The following ATXN2 variants were observed in gnomAD, a reference collection of about 807,000 sequenced individuals.
ATXN2 encodes the protein ataxin-2.
ATXN2 carries 37 observed loss-of-function variants against 138.6 expected under a neutral mutation model. The observed-to-expected ratio is 0.27, with a 90% confidence interval of 0.21 to 0.35. The LOEUF (loss-of-function observed/expected upper bound fraction) is 0.35, where lower values mean the gene tolerates loss of function less well. Ranked by LOEUF, ATXN2 falls within the 10% of genes least tolerant of loss-of-function variation. The pLI is 1.00. For synonymous variants in ATXN2, 549 were observed against 543.7 expected, an observed-to-expected ratio of 1.01 and a Z score of -0.13; for missense variants, 1,216 against 1,480.3, an observed-to-expected ratio of 0.82 and a Z score of 2.93.
At position 111,509,883 on chromosome 12, in the gene ATXN2, ACT is replaced by A. The variant is rs755401792; in HGVS notation, c.1864+6_1864+7del. Reference sequence around the variant, plus strand: ...ACAGTTAAGCTTAATGACTCTTTAAACTCTAACCTTTGTTTTCAGCTTTTGAG... The same window carrying A: ...ACAGTTAAGCTTAATGACTCTTTAAACTAACCTTTGTTTTCAGCTTTTGAG... On this transcript the variant is annotated splice_donor_region_variant and intron_variant, in intron 13 of 24. Coordinates refer to ENST00000673436, the MANE Select transcript of ATXN2 (RefSeq NM_001372574.1). The A allele has an allele frequency of 1.5e-4, 231 of 1,585,772 alleles. No homozygotes were observed. The highest frequency in any genetic ancestry group is 1.8e-4 in the Non-Finnish European group (206 of 1,155,612).
At chr12:111,533,307 G>A (rs369874622) in intron 5 of ATXN2, among the ~76,000 whole-genome samples, 1 of 152,054 alleles carries the variant, frequency 6.6e-6, no homozygotes, top group Non-Finnish European at 1.5e-5. Flanking sequence ...TACCCCCTAG[G>A]GATACCAAAA....
intron 14 of ATXN2, among the ~76,000 whole-genome samples, chr12:111,499,314 T>C (rs1878608279): frequency 6.6e-6 from 1 of 152,142 alleles, no homozygotes; most frequent in African/African-American, 2.4e-5. Flanking sequence ...AAGGGATCAA[T>C]AACCAGAATA....
chr12:111,516,080 T>C lies in ATXN2; in HGVS notation c.1375+74A>G. 7.3e-7 allele frequency: 1 copy of C among 1,362,716 alleles called. No homozygotes were observed. The highest frequency in any genetic ancestry group is 1.4e-5 in the South Asian group (1 of 73,112). 84.4% of individuals were successfully genotyped at this position (1,362,716 alleles called of 1,614,324 possible). On this transcript the variant is annotated intron_variant, in intron 10 of 24. Transcript: ENST00000673436. This position sits in a 1 kb window ranked among gnomAD's most constrained non-coding sequence, Gnocchi z 5.0. ...GGTTATTAAATAATGAAGAGGAAAC[T>C]ATTTTGTAATTATAAACTCACATAG...
At chr12:111,584,973 T>C (rs1884244582) in intron 1 of ATXN2, among the ~76,000 whole-genome samples, 1 of 152,122 alleles carries the variant, frequency 6.6e-6, no homozygotes, top group East Asian at 1.9e-4. Context: ...ATTTCAATAA[T>C]GCAATGCATC....
At chr12:111,589,645 GCCTA>G (rs1331013475) in intron 1 of ATXN2, among the ~76,000 whole-genome samples, 1 of 151,612 alleles carries the variant, frequency 6.6e-6, no homozygotes, top group Non-Finnish European at 1.5e-5. Flanking sequence ...AGTGGCGCAT[GCCTA>G]TAATCCCAGC....
intron 5 of ATXN2, among the ~76,000 whole-genome samples, chr12:111,543,929 T>C (rs1226072879): frequency 6.6e-6 from 1 of 152,060 alleles, no homozygotes; most frequent in Non-Finnish European, 1.5e-5. Flanking sequence ...TTTTTAAAAA[T>C]TAGCCGGGCA....
Position 111,453,761 on chromosome 12 carries a change from G to A in ATXN2, c.3355C>T (p.Pro1119Ser). ...GCACTTTGAGCGAGGGCGGCCTGGGGACCGCCGGGTGGCTGTGTCGTCATT... is the reference window on the plus strand; with the variant it reads ...GCACTTTGAGCGAGGGCGGCCTGGGAACCGCCGGGTGGCTGTGTCGTCATT... ...MLMTTQPPGG[P>S]QAALAQSALQ... The change falls in exon 24 of 25, where the codon CCC (proline) becomes TCC (serine). Residue 1119 changes from proline (P) to serine (S), a missense_variant. Physicochemically the swap from Pro to Ser is moderately conservative, Grantham distance 74. Coordinates refer to ENST00000673436, the MANE Select transcript of ATXN2 (RefSeq NM_001372574.1). The surrounding 1 kb of genome is among the most constrained non-coding windows in gnomAD (Gnocchi z 5.4). The A allele has an allele frequency of 6.2e-7, 1 of 1,614,156 alleles. No homozygotes were observed. The highest frequency in any genetic ancestry group is 8.5e-7 in the Non-Finnish European group (1 of 1,180,000).
At chr12:111,483,329 A>C (rs1330437524) in intron 18 of ATXN2, among the ~76,000 whole-genome samples, 3 of 151,400 alleles carry the variant, frequency 2.0e-5, no homozygotes, top group Non-Finnish European at 2.9e-5. Context: ...GGCACTGAGA[A>C]ATGTCTTTTC....
At chr12:111,473,178 G>A (rs550805188) in intron 18 of ATXN2, among the ~76,000 whole-genome samples, 1 of 152,004 alleles carries the variant, frequency 6.6e-6, no homozygotes, top group African/African-American at 2.4e-5. Flanking sequence ...GGAGGCTGAG[G>A]TGGGGGGATT....
chr12:111,502,280 A>C (rs1037789035), intron 14 of ATXN2, among the ~76,000 whole-genome samples: 1 of 152,194 alleles, frequency 6.6e-6, no homozygotes, highest in Non-Finnish European at 1.5e-5. Context: ...CCATCTTACA[A>C]ATAGCAAGTC....
intron 18 of ATXN2, among the ~76,000 whole-genome samples, chr12:111,472,854 G>A (rs531116850): frequency 4.6e-5 from 7 of 152,276 alleles, no homozygotes; most frequent in South Asian, 2.1e-4. Flanking sequence ...GATTACAGGC[G>A]TCAGCCACTG....
intron 23 of ATXN2, chr12:111,454,890 G>A: frequency 1.7e-6 from 1 of 596,366 alleles, no homozygotes; most frequent in Non-Finnish European, 3.1e-6. Flanking sequence ...CTCTTATGAA[G>A]CTGACTCCAC....
chr12:111,489,266 G>A (rs1284529732), intron 14 of ATXN2, among the ~76,000 whole-genome samples: 7 of 152,146 alleles, frequency 4.6e-5, no homozygotes, highest in Non-Finnish European at 8.8e-5. Flanking sequence ...AAAAGGAAGA[G>A]TATGTTTAAA....
In ATXN2 at chr12:111,452,459, TAGC is replaced by T. The variant is rs543478848; in HGVS notation, c.*350_*352del. 1.1e-3 allele frequency: 183 copies of T among 163,338 alleles called. 1 individual carries two copies. Among genetic ancestry groups the T allele is most frequent in the African/African-American group, 4.0e-3 (160 of 40,140 alleles). The allele number at this position is 163,338 out of a possible 1,614,324, so 10.1% of individuals were successfully genotyped here. A position where few individuals can be genotyped will look rare whatever the true frequency, so the allele number is the denominator to read the frequency against. On this transcript the variant is annotated 3_prime_UTR_variant, in exon 25 of 25. Coordinates refer to ENST00000673436, the MANE Select transcript of ATXN2 (RefSeq NM_001372574.1). ...TTTTTTTTTTTTTTTTTAGCAGTAATAGCAGCAAGAATCACTCTTGTTACTTCT... is the reference window on the plus strand; with the variant it reads ...TTTTTTTTTTTTTTTTTAGCAGTAATAGCAAGAATCACTCTTGTTACTTCT...
intron 21 of ATXN2, 138 bp downstream of exon 21, chr12:111,464,520 GAATT>G (rs938424829): frequency 6.2e-6 from 3 of 487,440 alleles, no homozygotes; most frequent in South Asian, 6.5e-5. Flanking sequence ...TTTAAAAACT[GAATT>G]ATTTATATAT....
chr12:111,572,807 T>C (rs546242610), intron 1 of ATXN2, among the ~76,000 whole-genome samples: 2 of 152,292 alleles, frequency 1.3e-5, no homozygotes, highest in African/African-American at 4.8e-5. Context: ...CCTACCAACA[T>C]GGACTGAGAC....
chr12:111,452,892 C>T (rs778861369), intron 24 of ATXN2, 52 bp from the exon 25 acceptor site: 2 of 1,593,834 alleles, frequency 1.3e-6, no homozygotes, highest in Middle Eastern at 1.7e-4. Flanking sequence ...CACCACACAT[C>T]AGCCTAGTGT....
chr12:111,574,852 TTTTC>T (rs1166909794), intron 1 of ATXN2, among the ~76,000 whole-genome samples: 5 of 152,272 alleles, frequency 3.3e-5, no homozygotes, highest in Admixed American at 6.5e-5. Flanking sequence ...CCATCACTAG[TTTTC>T]TTTCTTTCCA....
chr12:111,494,031 A>G (rs1249427379), intron 14 of ATXN2, among the ~76,000 whole-genome samples: 2 of 151,958 alleles, frequency 1.3e-5, no homozygotes, highest in Admixed American at 6.6e-5. Context: ...CCTGGGTTCA[A>G]GTGATTCTCC....
Sources: gnomAD v4.1 joint callset for allele counts (sites outside exome capture counted in the v4.1 genomes callset) on GRCh38, gnomAD v4.1.1 for gene constraint, Gnocchi (gnomAD v3.1) non-coding constraint, MANE v1.5 for transcripts, NCBI Gene and HGNC (gene_info 2026-07-23, HGNC 2026-07-21) for gene names.